Variants in SPTSSB observed in about 807,000 individuals in gnomAD.
SPTSSB encodes the protein serine palmitoyltransferase small subunit B.
SPTSSB carries 6 observed loss-of-function variants against 7.7 expected under a neutral mutation model. That is an observed-to-expected ratio of 0.78 (90% confidence interval 0.43 to 1.54). The LOEUF is 1.54. Ranked by LOEUF, SPTSSB falls within the 40% of genes most tolerant of loss-of-function variation. The pLI is 0.01. For synonymous variants in SPTSSB, 28 were observed against 29.7 expected, an observed-to-expected ratio of 0.94 and a Z score of 0.19; for missense variants, 91 against 93.0, an observed-to-expected ratio of 0.98 and a Z score of 0.09.
intron 1 of SPTSSB, among the ~76,000 whole-genome samples, chr3:161,364,666 C>CAT (rs539652020): frequency 6.6e-5 from 10 of 151,134 alleles, no homozygotes; most frequent in Non-Finnish European, 7.4e-5. Context: ...AAGATGCATC[C>CAT]ATATATATAT....
chr3:161,371,349 A>G, intron 1 of SPTSSB, 86 bp downstream of exon 1: 1 of 863,800 alleles, frequency 1.2e-6, no homozygotes, highest in Non-Finnish European at 1.4e-6. Flanking sequence ...AAAGCTCAGT[A>G]TTAATTTTTT....
At chr3:161,351,980 T>C (rs1250658975) in intron 2 of SPTSSB, among the ~76,000 whole-genome samples, 1 of 152,172 alleles carries the variant, frequency 6.6e-6, no homozygotes, top group Non-Finnish European at 1.5e-5. Context: ...AGAAAAGATA[T>C]AGAATATTTT....
At chr3:161,353,278 T>A (rs536879201) in intron 2 of SPTSSB, among the ~76,000 whole-genome samples, 1 of 152,336 alleles carries the variant, frequency 6.6e-6, no homozygotes, top group Admixed American at 6.5e-5. Flanking sequence ...TGTAAAACTT[T>A]AAGCCACTTG....
chr3:161,366,662 A>C (rs1427884731), intron 1 of SPTSSB, among the ~76,000 whole-genome samples: 1 of 152,080 alleles, frequency 6.6e-6, no homozygotes, highest in Non-Finnish European at 1.5e-5. Context: ...TACATTATGT[A>C]ATTTACTTAT....
At chr3:161,357,037 G>A (rs767840175) in intron 2 of SPTSSB, among the ~76,000 whole-genome samples, 13 of 152,042 alleles carry the variant, frequency 8.6e-5, no homozygotes, top group Non-Finnish European at 1.8e-4. Flanking sequence ...AGAACTAGGC[G>A]GATCAGGCCA....
chr3:161,352,863 A>T (rs1714606331), intron 2 of SPTSSB, among the ~76,000 whole-genome samples: 1 of 152,192 alleles, frequency 6.6e-6, no homozygotes, highest in African/African-American at 2.4e-5. Context: ...TTAAAAGTTC[A>T]TGGACTCTGC....
At chr3:161,353,062 C>G (rs1714616344) in intron 2 of SPTSSB, among the ~76,000 whole-genome samples, 1 of 152,038 alleles carries the variant, frequency 6.6e-6, no homozygotes, top group African/African-American at 2.4e-5. Flanking sequence ...TCCTCTCTTT[C>G]TATTTATTTA....
chr3:161,348,525 A>G (rs756068639), intron 2 of SPTSSB, among the ~76,000 whole-genome samples: 2 of 152,208 alleles, frequency 1.3e-5, no homozygotes, highest in African/African-American at 4.8e-5. Context: ...TCAAACAATC[A>G]ATCAATGAAT....
At chr3:161,353,589 G>GTC (rs1714640088) in intron 2 of SPTSSB, among the ~76,000 whole-genome samples, 1 of 152,028 alleles carries the variant, frequency 6.6e-6, no homozygotes, top group African/African-American at 2.4e-5. Flanking sequence ...GATTGTTCTT[G>GTC]TCTCGGGGGC....
At chr3:161,355,470 G>A (rs1298388067) in intron 2 of SPTSSB, among the ~76,000 whole-genome samples, 1 of 152,142 alleles carries the variant, frequency 6.6e-6, no homozygotes, top group African/African-American at 2.4e-5. Context: ...TGGACAAATG[G>A]ATGGAAAAAT....
At chr3:161,352,868 C>T (rs1201276155) in intron 2 of SPTSSB, among the ~76,000 whole-genome samples, 1 of 152,110 alleles carries the variant, frequency 6.6e-6, no homozygotes, top group Non-Finnish European at 1.5e-5. Flanking sequence ...AGTTCATGGA[C>T]TCTGCAGGGG....
chr3:161,350,877 A>G (rs148540616), intron 2 of SPTSSB, among the ~76,000 whole-genome samples: 1 of 152,292 alleles, frequency 6.6e-6, no homozygotes, highest in East Asian at 1.9e-4. Flanking sequence ...CATGATATGA[A>G]TAATCTTCAT....
intron 2 of SPTSSB, among the ~76,000 whole-genome samples, chr3:161,352,418 C>G (rs1714583029): frequency 6.6e-6 from 1 of 152,216 alleles, no homozygotes; most frequent in Non-Finnish European, 1.5e-5. Context: ...ATGAAACATT[C>G]TCAGAAGACC....
intron 2 of SPTSSB, among the ~76,000 whole-genome samples, chr3:161,347,481 T>G (rs1438822867): frequency 2.0e-5 from 3 of 151,290 alleles, no homozygotes; most frequent in African/African-American, 7.3e-5. Flanking sequence ...AGGCTGGTCT[T>G]GAACTCCTGA....
chr3:161,356,948 C>T (rs1297355691), intron 2 of SPTSSB, among the ~76,000 whole-genome samples: 1 of 151,784 alleles, frequency 6.6e-6, no homozygotes, highest in African/African-American at 2.4e-5. Flanking sequence ...TGCCACTGCA[C>T]TTCAGCCTGG....
chr3:161,371,395 C>T, intron 1 of SPTSSB, 40 bp downstream of exon 1: 1 of 983,686 alleles, frequency 1.0e-6, no homozygotes, highest in African/African-American at 1.7e-5. Flanking sequence ...CCTACTAAAG[C>T]TACTTAACAG....
At chr3:161,371,329 A>G in intron 1 of SPTSSB, 106 bp downstream of exon 1, 1 of 729,988 alleles carries the variant, frequency 1.4e-6, no homozygotes, top group Non-Finnish European at 1.7e-6. Flanking sequence ...ATAAACTGAT[A>G]AATTGCATTA....
intron 2 of SPTSSB, among the ~76,000 whole-genome samples, chr3:161,350,497 G>A (rs1279137042): frequency 1.3e-5 from 2 of 152,052 alleles, no homozygotes; most frequent in Non-Finnish European, 2.9e-5. Flanking sequence ...ACTCACTTTG[G>A]AACTCTACAT....
chr3:161,349,738 C>A (rs537060112), intron 2 of SPTSSB, among the ~76,000 whole-genome samples: 2 of 152,198 alleles, frequency 1.3e-5, no homozygotes, highest in African/African-American at 4.8e-5. Flanking sequence ...TACAGTTTGA[C>A]TCTGACATGC....
Sources: gnomAD v4.1 joint callset for allele counts (sites outside exome capture counted in the v4.1 genomes callset) on GRCh38, gnomAD v4.1.1 for gene constraint, MANE v1.5 for transcripts, NCBI Gene and HGNC (gene_info 2026-07-23, HGNC 2026-07-21) for gene names.